The following PTPRJ variants were observed in gnomAD, a reference collection of about 807,000 sequenced individuals.
PTPRJ encodes protein tyrosine phosphatase receptor type J, also known as receptor-type tyrosine-protein phosphatase eta.
In PTPRJ, 129 loss-of-function variants were observed where a neutral mutation model predicts 141.3. That is an observed-to-expected ratio of 0.91 (90% CI 0.79 to 1.06). PTPRJ has a LOEUF of 1.06. Ranked by LOEUF, PTPRJ falls within the 50% of genes least tolerant of loss-of-function variation. The pLI, the probability that PTPRJ is intolerant of heterozygous loss-of-function variation, is 0.00. For synonymous variants in PTPRJ, 610 were observed against 640.5 expected, an observed-to-expected ratio of 0.95 and a Z score of 0.72; for missense variants, 1,601 against 1,679.7, an observed-to-expected ratio of 0.95 and a Z score of 0.82.
intron 1 of PTPRJ, among the ~76,000 whole-genome samples, chr11:47,982,860 G>T (rs1277548221): frequency 6.6e-6 from 1 of 151,156 alleles, no homozygotes; most frequent in Non-Finnish European, 1.5e-5. Flanking sequence ...TTCCTCTATG[G>T]TTTGTTCTGT....
intron 1 of PTPRJ, among the ~76,000 whole-genome samples, chr11:48,015,515 T>C (rs1854927217): frequency 6.6e-6 from 1 of 152,166 alleles, no homozygotes; most frequent in Admixed American, 6.5e-5. Flanking sequence ...TTCTTTTGTG[T>C]TATTTGTATT....
chr11:48,103,837 C>T lies in PTPRJ; in HGVS notation c.97-6221C>T, dbSNP rs371839240. On this transcript the variant is annotated intron_variant, in intron 1 of 24. Coordinates refer to ENST00000418331, the MANE Select transcript of PTPRJ (RefSeq NM_002843.4). ...GCTGTGCGTCTCAAAGTCCACACAG[C>T]CTCACCAAAATAGCCCTTCTGGGTA... Among the ~76,000 whole-genome samples, 134 of 152,322 alleles carry T rather than the reference C, an allele frequency of 8.8e-4. 1 individual carries two copies. The highest frequency in any genetic ancestry group is 3.1e-3 in the African/African-American group (130 of 41,564).
intron 19 of PTPRJ, 80 bp downstream of exon 19, chr11:48,153,966 A>G (rs1193865833): frequency 2.1e-6 from 2 of 947,686 alleles, no homozygotes; most frequent in Non-Finnish European, 3.4e-6. Flanking sequence ...GGAGGGAATC[A>G]GTGATCCTAA....
intron 1 of PTPRJ, among the ~76,000 whole-genome samples, chr11:48,097,528 C>T (rs1856040581): frequency 6.6e-6 from 1 of 151,956 alleles, no homozygotes; most frequent in Non-Finnish European, 1.5e-5. Flanking sequence ...TTAAATGGTT[C>T]CACCTGAAGA....
At chr11:48,015,739 T>C (rs1854932530) in intron 1 of PTPRJ, 1 of 150,348 alleles carries the variant, frequency 6.7e-6, no homozygotes, top group Non-Finnish European at 1.5e-5. Context: ...TAATCCCAGC[T>C]ACTCGGGAGG....
chr11:47,992,315 A>G (rs966909066), intron 1 of PTPRJ, among the ~76,000 whole-genome samples: 15 of 152,106 alleles, frequency 9.9e-5, no homozygotes, highest in African/African-American at 3.6e-4. Flanking sequence ...CTGGCATTAC[A>G]GGAGCCCGCC....
intron 1 of PTPRJ, among the ~76,000 whole-genome samples, chr11:48,089,049 C>CA (rs1555044103): frequency 6.2e-4 from 95 of 152,182 alleles, no homozygotes; most frequent in African/African-American, 2.2e-3. Context: ...GCGTGCTGTG[C>CA]GCCAGGAGGG....
intron 1 of PTPRJ, among the ~76,000 whole-genome samples, chr11:48,049,982 T>TTTTA (rs1181626943): frequency 6.6e-6 from 1 of 152,196 alleles, no homozygotes; most frequent in Non-Finnish European, 1.5e-5. Flanking sequence ...AAGCACTTTT[T>TTTTA]ATTAAAAAGA....
chr11:48,041,367 G>T (rs957576948), intron 1 of PTPRJ, among the ~76,000 whole-genome samples: 3 of 152,156 alleles, frequency 2.0e-5, no homozygotes, highest in African/African-American at 7.2e-5. Context: ...CTCATTGAAG[G>T]CCTACTGTGT....
At chr11:48,077,072 G>C (rs1056732646) in intron 1 of PTPRJ, among the ~76,000 whole-genome samples, 1 of 152,048 alleles carries the variant, frequency 6.6e-6, no homozygotes, top group Non-Finnish European at 1.5e-5. Context: ...CTCCATGTTG[G>C]TCAGGCTGGT....
intron 11 of PTPRJ, among the ~76,000 whole-genome samples, chr11:48,140,508 G>A (rs985240602): frequency 6.6e-6 from 1 of 152,198 alleles, no homozygotes; most frequent in Non-Finnish European, 1.5e-5. Context: ...GCAAGGACCT[G>A]GGGATGGACC....
At chr11:48,050,569 AT>A (rs1445971091) in intron 1 of PTPRJ, among the ~76,000 whole-genome samples, 1 of 152,176 alleles carries the variant, frequency 6.6e-6, no homozygotes, top group Non-Finnish European at 1.5e-5. Context: ...CAGTGCTCAA[AT>A]GCCTGCTGTA....
chr11:48,167,300 A>C lies in PTPRJ; in HGVS notation c.3952A>C (p.Thr1318Pro), dbSNP rs908251194. 6 of 1,614,030 alleles carry C rather than the reference A, an allele frequency of 3.7e-6. No homozygotes were observed. Among genetic ancestry groups the C allele is most frequent in the Non-Finnish European group, 5.1e-6 (6 of 1,179,864 alleles). ...TATCTACCAGAACACAACTGCAATG[A>C]CAATCTATGAAAACCTTGCGCCCGT... ...DLIYQNTTAM[T>P]IYENLAPVTT... is the part of the protein sequence containing the mutation. The change falls in exon 25 of 25, where the codon ACA (threonine) becomes CCA (proline). Residue 1318 changes from threonine (T) to proline (P), a missense_variant. By Grantham distance (38) the Thr-to-Pro change is conservative. Coordinates refer to ENST00000418331, the MANE Select transcript of PTPRJ (RefSeq NM_002843.4).
chr11:47,993,044 T>C (rs964816507), intron 1 of PTPRJ, among the ~76,000 whole-genome samples: 1 of 152,138 alleles, frequency 6.6e-6, no homozygotes, highest in African/African-American at 2.4e-5. Flanking sequence ...AATTATGCAT[T>C]GTCAGTGTCT....
At chr11:48,048,649 C>A (rs1231405347) in intron 1 of PTPRJ, among the ~76,000 whole-genome samples, 2 of 151,974 alleles carry the variant, frequency 1.3e-5, no homozygotes, top group Non-Finnish European at 2.9e-5. Flanking sequence ...CAAAAATTAA[C>A]CGGGTGTGAT....
intron 1 of PTPRJ, among the ~76,000 whole-genome samples, chr11:48,024,380 T>G (rs1030236615): frequency 2.6e-5 from 4 of 152,174 alleles, no homozygotes; most frequent in Admixed American, 6.5e-5. Context: ...GTATTTTTAC[T>G]ACAGGCAGGG....
In PTPRJ at chr11:48,121,246, G is replaced by C. The variant is rs1016732921; in HGVS notation, c.596G>C (p.Arg199Thr). The change falls in exon 4 of 25, where the codon AGA becomes ACA. Residue 199 changes from arginine (R) to threonine (T), a missense_variant. Arg to Thr is a moderately conservative substitution (Grantham distance 71, BLOSUM62 -1). Coordinates refer to ENST00000418331, the MANE Select transcript of PTPRJ (RefSeq NM_002843.4). ...GGCAATGAGACTTGGGGAGATCCCAGAGTCATAAAAGTCATCACAGGTAAG... is the reference window on the plus strand; with the variant it reads ...GGCAATGAGACTTGGGGAGATCCCACAGTCATAAAAGTCATCACAGGTAAG... ...GIGNETWGDP[R>T]VIKVITEPIP... 2 of 1,614,138 alleles carry C rather than the reference G, an allele frequency of 1.2e-6. No individual in the cohort carries two copies. The highest frequency in any genetic ancestry group is 2.7e-5 in the African/African-American group (2 of 75,058).
intron 4 of PTPRJ, 51 bp from the exon 5 acceptor site, chr11:48,123,562 G>A: frequency 6.4e-7 from 1 of 1,553,478 alleles, no homozygotes; most frequent in Non-Finnish European, 8.7e-7. Context: ...TCTTAATGAA[G>A]GTGACTGCAT....
At chr11:48,154,938 T>A (rs1203750089) in intron 19 of PTPRJ, among the ~76,000 whole-genome samples, 1 of 152,158 alleles carries the variant, frequency 6.6e-6, no homozygotes, top group Admixed American at 6.5e-5. Context: ...GGGAAGCCTT[T>A]AGGCTGAGAC....
Sources: gnomAD v4.1 joint callset for allele counts (sites outside exome capture counted in the v4.1 genomes callset) on GRCh38, gnomAD v4.1.1 for gene constraint, MANE v1.5 for transcripts, NCBI Gene and HGNC (gene_info 2026-07-23, HGNC 2026-07-21) for gene names.